Variants in PCDH15 observed in about 807,000 individuals in gnomAD.
The protein encoded by PCDH15 is protocadherin-15.
Under a neutral mutation model 178.5 loss-of-function variants are expected in PCDH15, and 129 were observed. The observed-to-expected ratio is 0.72, with a 90% CI of 0.63 to 0.84. The LOEUF (loss-of-function observed/expected upper bound fraction) is 0.84. Ranked by LOEUF, PCDH15 falls within the 40% of genes least tolerant of loss-of-function variation. The pLI is 0.00. For synonymous variants in PCDH15, 800 were observed against 732.0 expected (o/e 1.09, Z -1.50); for missense variants, 2,230 against 2,099.9 (o/e 1.06, Z -1.21).
intron 3 of PCDH15, among the ~76,000 whole-genome samples, chr10:54,890,884 A>G (rs1230046230): frequency 6.6e-6 from 1 of 152,088 alleles, no homozygotes; most frequent in East Asian, 1.9e-4. Context: ...GAAAAACTAC[A>G]GCTGCTGTAA....
chr10:53,824,535 AAGAAAG>A (rs2076542959), intron 32 of PCDH15, among the ~76,000 whole-genome samples: 1 of 152,174 alleles, frequency 6.6e-6, no homozygotes, highest in African/African-American at 2.4e-5. Context: ...TACGAACTAT[AAGAAAG>A]AGAAAGAAAC....
chr10:54,442,418 A>G (rs1355211810), intron 3 of PCDH15, among the ~76,000 whole-genome samples: 1 of 35,984 alleles, frequency 2.8e-5, no homozygotes, highest in Non-Finnish European at 5.7e-5. Context: ...TAAAGGCTAT[A>G]TATATATATA....
chr10:55,447,997 G>A (rs1839354693), intron 2 of PCDH15, among the ~76,000 whole-genome samples: 1 of 151,952 alleles, frequency 6.6e-6, no homozygotes, highest in African/African-American at 2.4e-5. Flanking sequence ...ACTGGGTTGT[G>A]TGAATAATTT....
intron 35 of PCDH15, 32 bp from the exon 36 acceptor site, chr10:53,811,651 A>C (rs2075869271): frequency 7.0e-7 from 1 of 1,424,432 alleles, no homozygotes; most frequent in African/African-American, 1.4e-5. Flanking sequence ...TGCATTTGAA[A>C]ACGAATTCTT....
At chr10:54,015,580 T>A (rs2092716053) in intron 20 of PCDH15, among the ~76,000 whole-genome samples, 2 of 151,810 alleles carry the variant, frequency 1.3e-5, no homozygotes, top group Non-Finnish European at 2.9e-5. Context: ...AGAATAGAGA[T>A]CCCAGAAATA....
intron 2 of PCDH15, among the ~76,000 whole-genome samples, chr10:55,157,696 A>G (rs1044057563): frequency 1.4e-4 from 22 of 151,952 alleles, no homozygotes; most frequent in Non-Finnish European, 1.5e-4. Context: ...CTAGCAAACT[A>G]TCACAAGGAC....
rs144088602 is a variant in PCDH15 at position 55,578,596 on chromosome 10, C to G, written c.-156+49029G>C. Among the ~76,000 whole-genome samples, 507 of 152,254 alleles carry G rather than the reference C, an allele frequency of 3.3e-3. 1 individual carries two copies. The highest frequency in any genetic ancestry group is 5.6e-3 in the Non-Finnish European group (380 of 68,026). On this transcript the variant is annotated intron_variant, in intron 2 of 5. Coordinates refer to the PCDH15 transcript ENST00000613346. ...AGCTGAATTATACCAACCGCACTTTCATTGACGTTGATTTTAGTTTTAATT... is the reference window on the plus strand; with the variant it reads ...AGCTGAATTATACCAACCGCACTTTGATTGACGTTGATTTTAGTTTTAATT...
intron 1 of PCDH15, among the ~76,000 whole-genome samples, chr10:55,206,721 A>T (rs1219669835): frequency 6.6e-6 from 1 of 152,156 alleles, no homozygotes; most frequent in Non-Finnish European, 1.5e-5. Context: ...TTAAATACTT[A>T]TATCACATAT....
intron 2 of PCDH15, among the ~76,000 whole-genome samples, chr10:54,907,921 G>A (rs1163383370): frequency 1.1e-4 from 17 of 152,146 alleles, no homozygotes; most frequent in Non-Finnish European, 1.5e-5. Context: ...AAGAACCCTG[G>A]CCCCTCTTTC....
chr10:55,209,071 T>C (rs888719125), intron 1 of PCDH15, among the ~76,000 whole-genome samples: 2 of 151,974 alleles, frequency 1.3e-5, no homozygotes, highest in Non-Finnish European at 2.9e-5. Flanking sequence ...TGAACTGAGA[T>C]AGAAACAAAT....
At chr10:54,278,809 A>G (rs1359520846) in intron 8 of PCDH15, among the ~76,000 whole-genome samples, 5 of 151,546 alleles carry the variant, frequency 3.3e-5, no homozygotes, top group Admixed American at 3.3e-4. Context: ...CCATCTGCGT[A>G]CCTTTTATCA....
intron 2 of PCDH15, chr10:54,568,697 T>C (rs1407299728): frequency 2.6e-5 from 4 of 152,162 alleles, no homozygotes; most frequent in Non-Finnish European, 5.9e-5. Flanking sequence ...TATTTCACTA[T>C]TGTTTACCTG....
intron 3 of PCDH15, among the ~76,000 whole-genome samples, chr10:54,815,987 G>C (rs1354404696): frequency 6.6e-6 from 1 of 152,040 alleles, no homozygotes; most frequent in Non-Finnish European, 1.5e-5. Context: ...CTGATCAACA[G>C]TAGGCTATTA....
At position 55,435,319 on chromosome 10, in the gene PCDH15, A is replaced by G. The variant is rs576302338; in HGVS notation, c.-156+192306T>C. Among the ~76,000 whole-genome samples the G allele has an allele frequency of 3.8e-3, 576 of 152,302 alleles. 2 individuals carry two copies. Among genetic ancestry groups the G allele is most frequent in the Middle Eastern group, 0.014 (4 of 294 alleles). On this transcript the variant is annotated intron_variant, in intron 2 of 5. Coordinates refer to the PCDH15 transcript ENST00000613346. ...CATTACAAGATAATTGGGGAAGAAG[A>G]GAATATTAACTATTATTTTTAATAT...
chr10:55,149,228 C>T (rs1391108169), intron 2 of PCDH15, among the ~76,000 whole-genome samples: 2 of 144,382 alleles, frequency 1.4e-5, no homozygotes, highest in Non-Finnish European at 3.0e-5. Flanking sequence ...TCAATAAATG[C>T]TTCTAAGTTA....
intron 2 of PCDH15, among the ~76,000 whole-genome samples, chr10:55,154,117 A>G (rs1838817596): frequency 6.6e-6 from 1 of 152,150 alleles, no homozygotes; most frequent in Non-Finnish European, 1.5e-5. Context: ...GAAGTACATT[A>G]TTTGTACATA....
At chr10:55,434,423 A>T (rs183687918) in intron 2 of PCDH15, among the ~76,000 whole-genome samples, 1 of 152,096 alleles carries the variant, frequency 6.6e-6, no homozygotes, top group East Asian at 1.9e-4. Flanking sequence ...TTTATATTGA[A>T]ATGAGTTTCA....
chr10:54,903,465 T>C (rs2131827609), intron 2 of PCDH15, among the ~76,000 whole-genome samples: 1 of 152,176 alleles, frequency 6.6e-6, no homozygotes, highest in African/African-American at 2.4e-5. Flanking sequence ...TGTTCCCCAT[T>C]AGAATGTTCC....
At chr10:54,761,632 G>A (rs1218212560) in intron 1 of PCDH15, among the ~76,000 whole-genome samples, 5 of 152,150 alleles carry the variant, frequency 3.3e-5, no homozygotes, top group African/African-American at 9.6e-5. Flanking sequence ...GCAGTGAGCC[G>A]AGATCATGCC....
Sources: allele counts gnomAD v4.1 joint callset (sites outside exome capture counted in the v4.1 genomes callset), GRCh38; gene constraint gnomAD v4.1.1; transcripts MANE v1.5; gene names NCBI Gene and HGNC (gene_info 2026-07-23, HGNC 2026-07-21).